LRFN5: variants seen among roughly 807,000 people sequenced by gnomAD.
The protein encoded by LRFN5 is leucine rich repeat and fibronectin type III domain containing 5.
LRFN5 carries 24 observed loss-of-function variants against 45.6 expected under a neutral mutation model. That is an observed-to-expected ratio of 0.53 (90% CI 0.38 to 0.74). The LOEUF is 0.74. LRFN5 is among the 30% of genes least tolerant of loss of function. The pLI is 0.00. For synonymous variants in LRFN5, 340 were observed against 313.8 expected, an observed-to-expected ratio of 1.08 and a Z score of -0.88; for missense variants, 776 against 861.5, an observed-to-expected ratio of 0.90 and a Z score of 1.24.
intron 2 of LRFN5, among the ~76,000 whole-genome samples, chr14:41,879,517 C>CTA (rs1890300449): frequency 1.3e-5 from 2 of 151,296 alleles, no homozygotes; most frequent in African/African-American, 4.8e-5. Flanking sequence ...TTCTCTCTTT[C>CTA]TATATATGTG....
At chr14:41,625,514 T>C (rs913316779) in intron 1 of LRFN5, among the ~76,000 whole-genome samples, 3 of 152,156 alleles carry the variant, frequency 2.0e-5, no homozygotes, top group Middle Eastern at 3.2e-3. Context: ...CAGCTATTTC[T>C]TCATAGCAGC....
chr14:41,886,266 C>A (rs1890568314), intron 2 of LRFN5, among the ~76,000 whole-genome samples: 1 of 152,036 alleles, frequency 6.6e-6, no homozygotes, highest in Non-Finnish European at 1.5e-5. Context: ...TTTTCCTGAA[C>A]CCCCAGGCCT....
At chr14:41,849,119 T>A (rs1168506527) in intron 2 of LRFN5, among the ~76,000 whole-genome samples, 2 of 152,054 alleles carry the variant, frequency 1.3e-5, no homozygotes, top group Non-Finnish European at 2.9e-5. Flanking sequence ...AATGGTGGCA[T>A]GAAATTCTAT....
chr14:41,879,945 C>CAG (rs1890318262), intron 2 of LRFN5, among the ~76,000 whole-genome samples: 2 of 92,506 alleles, frequency 2.2e-5, no homozygotes, highest in Non-Finnish European at 3.9e-5. Flanking sequence ...TTTTTTTTAA[C>CAG]AGAGTCTCAC....
intron 1 of LRFN5, among the ~76,000 whole-genome samples, chr14:41,657,499 C>T (rs752606874): frequency 1.3e-5 from 2 of 151,888 alleles, no homozygotes; most frequent in African/African-American, 2.4e-5. Context: ...AAATTAGTCT[C>T]TACGAAAATA....
At position 41,650,153 on chromosome 14, in the gene LRFN5, G is replaced by C. The variant is rs569238084; in HGVS notation, c.-197+41591G>C. Among the ~76,000 whole-genome samples, 5 of 151,742 alleles carry C rather than the reference G, an allele frequency of 3.3e-5. 1 individual carries two copies. The highest frequency in any genetic ancestry group is 1.2e-4 in the African/African-American group (5 of 41,338). On this transcript the variant is annotated intron_variant, in intron 1 of 5. Coordinates refer to ENST00000298119, the MANE Select transcript of LRFN5 (RefSeq NM_152447.5). ...CTCACACCTGTAATCCCAGCACTTT[G>C]GGAGGCTGAGGTGATAGATTACTTG...
chr14:41,773,733 G>C (rs1017545471), intron 2 of LRFN5, among the ~76,000 whole-genome samples: 1 of 152,164 alleles, frequency 6.6e-6, no homozygotes, highest in Non-Finnish European at 1.5e-5. Flanking sequence ...GAGTTCAGTG[G>C]AAAAGGAGAT....
At chr14:41,670,248 T>G (rs796600064) in intron 1 of LRFN5, among the ~76,000 whole-genome samples, 5 of 72,104 alleles carry the variant, frequency 6.9e-5, no homozygotes, top group East Asian at 6.6e-4. Context: ...CACACACACA[T>G]ACACACAGAT....
At chr14:41,648,988 G>A (rs1311859781) in intron 1 of LRFN5, among the ~76,000 whole-genome samples, 1 of 152,006 alleles carries the variant, frequency 6.6e-6, no homozygotes, top group African/African-American at 2.4e-5. Context: ...TAAGCACCAG[G>A]CTGGGCGCGC....
intron 2 of LRFN5, among the ~76,000 whole-genome samples, chr14:41,829,557 T>G (rs745834136): frequency 5.3e-5 from 8 of 151,944 alleles, no homozygotes; most frequent in Non-Finnish European, 8.8e-5. Flanking sequence ...TATTAATGGT[T>G]GTGTTCCTCT....
intron 1 of LRFN5, among the ~76,000 whole-genome samples, chr14:41,651,484 C>T (rs968054715): frequency 6.6e-5 from 10 of 152,084 alleles, no homozygotes; most frequent in Admixed American, 6.6e-4. Context: ...AAAACAAAAA[C>T]CTTTCACATT....
intron 2 of LRFN5, among the ~76,000 whole-genome samples, chr14:41,856,166 A>G (rs1889444457): frequency 6.6e-6 from 1 of 152,220 alleles, no homozygotes; most frequent in South Asian, 2.1e-4. Context: ...CTTTCAGCAA[A>G]TATAGCAAAT....
chr14:41,642,806 G>T lies in LRFN5; in HGVS notation c.-197+34244G>T, dbSNP rs567691761. Among the ~76,000 whole-genome samples, 10 of 152,118 alleles carry T rather than the reference G, an allele frequency of 6.6e-5. No homozygotes were observed. The South Asian group carries it at 2.1e-3, about 32-fold the overall frequency. ...TTTTCTTAACATATTGAACTGTAGC[G>T]TAAAAGGCTAAATAAGATGTCCAGT... On this transcript the variant is annotated intron_variant, in intron 1 of 5. Transcript: ENST00000298119.
At chr14:41,693,997 T>A (rs147525244) in intron 1 of LRFN5, among the ~76,000 whole-genome samples, 34 of 151,988 alleles carry the variant, frequency 2.2e-4, no homozygotes, top group African/African-American at 8.2e-4. Flanking sequence ...ATTTTGGCAA[T>A]TATTTTTCTG....
intron 2 of LRFN5, among the ~76,000 whole-genome samples, chr14:41,832,447 A>G (rs545292526): frequency 5.9e-5 from 9 of 152,284 alleles, no homozygotes; most frequent in African/African-American, 2.2e-4. Context: ...TTAATTTAAT[A>G]AAAACATTGT....
At chr14:41,714,062 A>T (rs1883389220) in intron 1 of LRFN5, among the ~76,000 whole-genome samples, 1 of 152,122 alleles carries the variant, frequency 6.6e-6, no homozygotes, top group Non-Finnish European at 1.5e-5. Flanking sequence ...AAATATGCAA[A>T]ACTAAATTAT....
At chr14:41,783,678 G>C (rs1432370823) in intron 2 of LRFN5, among the ~76,000 whole-genome samples, 2 of 151,568 alleles carry the variant, frequency 1.3e-5, no homozygotes, top group African/African-American at 2.4e-5. Context: ...ACCTCTTTAA[G>C]ACTTCTTGCC....
At chr14:41,761,893 G>A (rs1394897454) in intron 1 of LRFN5, among the ~76,000 whole-genome samples, 1 of 151,778 alleles carries the variant, frequency 6.6e-6, no homozygotes, top group Non-Finnish European at 1.5e-5. Context: ...CATTTCTTTT[G>A]TTTATTTTTT....
At chr14:41,672,575 A>T (rs960309569) in intron 1 of LRFN5, among the ~76,000 whole-genome samples, 4 of 152,218 alleles carry the variant, frequency 2.6e-5, no homozygotes, top group Admixed American at 2.6e-4. Flanking sequence ...CAATAAAGTA[A>T]CAAATTTCTT....
Sources: gnomAD v4.1 joint callset for allele counts (sites outside exome capture counted in the v4.1 genomes callset) on GRCh38, gnomAD v4.1.1 for gene constraint, MANE v1.5 for transcripts, NCBI Gene and HGNC (gene_info 2026-07-23, HGNC 2026-07-21) for gene names.